The following SMG6 variants were observed in gnomAD, a reference collection of about 807,000 sequenced individuals.
SMG6 encodes SMG6 nonsense mediated mRNA decay factor.
A neutral mutation model predicts 142.2 loss-of-function variants in SMG6; 66 were observed. The ratio of observed to expected loss-of-function variants is 0.46; its 90% CI spans 0.38 to 0.57. The LOEUF (loss-of-function observed/expected upper bound fraction) is 0.57, where lower values mean the gene tolerates loss of function less well. SMG6 is among the 20% of genes least tolerant of loss of function. The pLI is 0.00. For missense variants in SMG6, 1,793 were observed against 1,832.0 expected, an observed-to-expected ratio of 0.98 and a Z score of 0.39; for synonymous variants, 779 against 702.4, an observed-to-expected ratio of 1.11 and a Z score of -1.72.
intron 13 of SMG6, among the ~76,000 whole-genome samples, chr17:2,099,657 T>C (rs566456238): frequency 3.3e-5 from 5 of 152,290 alleles, no homozygotes; most frequent in African/African-American, 9.6e-5. Flanking sequence ...TGCCTCATAG[T>C]TGGAGACAAG....
Position 2,303,614 on chromosome 17 carries a change from G to A in SMG6, c.88+19C>T. 1 of 1,439,316 alleles carries A rather than the reference G, an allele frequency of 6.9e-7. No individual in the cohort carries two copies. The highest frequency in any genetic ancestry group is 9.1e-7 in the Non-Finnish European group (1 of 1,100,620). The allele number at this position is 1,439,316 out of a possible 1,614,324, so 89.2% of individuals were successfully genotyped here. On this transcript the variant is annotated intron_variant, in intron 1 of 18. Transcript: ENST00000263073. ...CGGGGCGGGCAGGCCCGGCCCAGGA[G>A]CTGGGCGGCGCGACTCACCTCTGCT...
chr17:2,275,537 A>G (rs1263528514), intron 8 of SMG6, among the ~76,000 whole-genome samples: 2 of 152,238 alleles, frequency 1.3e-5, no homozygotes, highest in African/African-American at 2.4e-5. Flanking sequence ...CAAGATGCTG[A>G]TAACAAAACA....
At chr17:2,298,550 T>A (rs945809346) in intron 2 of SMG6, among the ~76,000 whole-genome samples, 8 of 151,760 alleles carry the variant, frequency 5.3e-5, no homozygotes, top group Non-Finnish European at 2.9e-5. Flanking sequence ...AAACTCCGTC[T>A]CTCTAAAAAT....
At chr17:2,127,291 A>C in intron 13 of SMG6, 1 of 406,590 alleles carries the variant, frequency 2.5e-6, no homozygotes, top group Non-Finnish European at 4.7e-6. Context: ...GTTTGGAATG[A>C]TGAAGAGTTC....
rs539767053 is a variant in SMG6 at position 2,194,201 on chromosome 17, G to T, written c.2870-5686C>A. 1.4e-4 allele frequency among the ~76,000 whole-genome samples: 22 copies of T among 152,304 alleles called. No individual in the cohort carries two copies. In the South Asian group the frequency reaches 4.3e-3, roughly 30 times the overall value. ...GGCACGCAAGTACTGTGTGTGCTGT[G>T]CTCTACCTGGAACCACAAAGTATAG... On this transcript the variant is annotated intron_variant, in intron 10 of 18. Coordinates refer to ENST00000263073, the MANE Select transcript of SMG6 (RefSeq NM_017575.5).
chr17:2,126,408 A>ATTT (rs1378222669), intron 13 of SMG6, among the ~76,000 whole-genome samples: 1 of 152,156 alleles, frequency 6.6e-6, no homozygotes, highest in Non-Finnish European at 1.5e-5. Context: ...TGGATATGAC[A>ATTT]TCAAAAGCAT....
chr17:2,130,042 G>A (rs1409041040), intron 13 of SMG6, among the ~76,000 whole-genome samples: 3 of 151,414 alleles, frequency 2.0e-5, no homozygotes, highest in East Asian at 3.9e-4. Flanking sequence ...AGTGGATCAC[G>A]AGGTCAGGAG....
chr17:2,187,073 A>C (rs1597553904), intron 11 of SMG6, among the ~76,000 whole-genome samples: 1 of 152,232 alleles, frequency 6.6e-6, no homozygotes, highest in African/African-American at 2.4e-5. Flanking sequence ...GGCTTGGCTG[A>C]AGCCTCTACT....
intron 9 of SMG6, among the ~76,000 whole-genome samples, chr17:2,241,579 G>A (rs1223215306): frequency 6.6e-6 from 1 of 152,040 alleles, no homozygotes; most frequent in Non-Finnish European, 1.5e-5. Flanking sequence ...AGAGAGATGG[G>A]GTCTTCTGCC....
intron 8 of SMG6, among the ~76,000 whole-genome samples, chr17:2,253,436 T>C (rs2074094357): frequency 6.6e-6 from 1 of 152,056 alleles, no homozygotes. Flanking sequence ...TCCAGATCGT[T>C]ACAGAAAAAA....
At position 2,082,644 on chromosome 17, in the gene SMG6, C is replaced by T. The variant is rs536399883; in HGVS notation, c.3535-688G>A. ...CTCCTGCCAGGCTGGTGGCACATTC[C>T]CCAAGGATGGCACCTCCCTACTTGC... On this transcript the variant is annotated intron_variant, in intron 14 of 18. Transcript: ENST00000263073. Among the ~76,000 whole-genome samples, 104 of 152,290 alleles carry T rather than the reference C, an allele frequency of 6.8e-4. 1 individual carries two copies. The South Asian group carries it at 0.021, about 30-fold the overall frequency.
chr17:2,093,287 G>A (rs1011618317), intron 13 of SMG6, among the ~76,000 whole-genome samples: 2 of 152,068 alleles, frequency 1.3e-5, no homozygotes, highest in Admixed American at 6.5e-5. Context: ...GGGCATGGTG[G>A]TGCAACACAC....
At chr17:2,064,108 C>A (rs1448341151) in intron 18 of SMG6, among the ~76,000 whole-genome samples, 1 of 152,064 alleles carries the variant, frequency 6.6e-6, no homozygotes, top group Non-Finnish European at 1.5e-5. Flanking sequence ...ACTCCCAGAG[C>A]AGCCTGAACA....
rs566100551 is a variant in SMG6 at position 2,093,104 on chromosome 17, G to T, written c.3358-7203C>A. 2.6e-5 allele frequency among the ~76,000 whole-genome samples: 4 copies of T among 151,698 alleles called. No homozygotes were observed. In the South Asian group the frequency reaches 8.3e-4, roughly 32 times the overall value. ...AGCTACTCAAGAGGCTGAGGCAGGA[G>T]AATCTATTGAACCCAGGAAGTGGAG... On this transcript the variant is annotated intron_variant, in intron 13 of 18. Transcript: ENST00000263073.
chr17:2,151,777 T>C (rs1395688802), intron 13 of SMG6, among the ~76,000 whole-genome samples: 1 of 152,204 alleles, frequency 6.6e-6, no homozygotes, highest in African/African-American at 2.4e-5. Context: ...GTGGAAAGAA[T>C]TCCACACAAC....
chr17:2,292,544 T>G lies in SMG6; in HGVS notation c.2337+8A>C. On this transcript the variant is annotated splice_region_variant and intron_variant, in intron 6 of 18. Coordinates refer to ENST00000263073, the MANE Select transcript of SMG6 (RefSeq NM_017575.5). ...AAGCACTTTTCCCCTGTCCACAGGA[T>G]TTCTTACCGTATACACTGCCAGCAA... The G allele has an allele frequency of 1.2e-6, 2 of 1,614,022 alleles. No homozygotes were observed. Among genetic ancestry groups the G allele is most frequent in the Non-Finnish European group, 1.7e-6 (2 of 1,179,936 alleles).
intron 8 of SMG6, among the ~76,000 whole-genome samples, chr17:2,251,372 G>C (rs1017089317): frequency 2.6e-5 from 4 of 151,844 alleles, no homozygotes; most frequent in African/African-American, 4.8e-5. Flanking sequence ...TTGGACCAAA[G>C]AGCCACGCTG....
chr17:2,294,513 C>T (rs1472909645), intron 4 of SMG6, among the ~76,000 whole-genome samples: 1 of 152,212 alleles, frequency 6.6e-6, no homozygotes, highest in East Asian at 1.9e-4. Context: ...CCAAAGTTCC[C>T]CTAACACACC....
chr17:2,183,746 ACAC>A (rs2071878631), intron 12 of SMG6, among the ~76,000 whole-genome samples: 1 of 1,710 alleles, frequency 5.8e-4, no homozygotes, highest in African/African-American at 7.1e-3. Context: ...GGTGCGTGCG[ACAC>A]ACACACACAC....
Sources: gnomAD v4.1 joint callset for allele counts (sites outside exome capture counted in the v4.1 genomes callset) on GRCh38, gnomAD v4.1.1 for gene constraint, MANE v1.5 for transcripts, NCBI Gene and HGNC (gene_info 2026-07-23, HGNC 2026-07-21) for gene names.